Variants in VAV2 observed in about 807,000 individuals in gnomAD.
VAV2 encodes the protein vav guanine nucleotide exchange factor 2, also known as guanine nucleotide exchange factor VAV2.
Under a neutral mutation model 132.5 loss-of-function variants are expected in VAV2, and 67 were observed. That is an observed-to-expected ratio of 0.51 (90% CI 0.42 to 0.62). The LOEUF (loss-of-function observed/expected upper bound fraction) is 0.62. VAV2 is among the 20% of genes least tolerant of loss of function. VAV2 has a pLI of 0.00. For synonymous variants in VAV2, 492 were observed against 443.5 expected, an observed-to-expected ratio of 1.11 and a Z score of -1.37; for missense variants, 938 against 1,153.6, an observed-to-expected ratio of 0.81 and a Z score of 2.71.
At chr9:133,783,817 G>C (rs140023336) in intron 18 of VAV2, among the ~76,000 whole-genome samples, 4 of 151,140 alleles carry the variant, frequency 2.6e-5, no homozygotes, top group Non-Finnish European at 5.9e-5. Context: ...ACAGCATCCC[G>C]GGCACCCAGG....
intron 3 of VAV2, among the ~76,000 whole-genome samples, chr9:133,848,615 C>T (rs1588264403): frequency 6.6e-6 from 1 of 152,264 alleles, no homozygotes; most frequent in South Asian, 2.1e-4. Flanking sequence ...CTTGTCGAAA[C>T]GCCGCTAAGC....
At chr9:133,839,407 C>T (rs916829761) in intron 3 of VAV2, among the ~76,000 whole-genome samples, 4 of 151,026 alleles carry the variant, frequency 2.6e-5, no homozygotes, top group Non-Finnish European at 4.4e-5. Context: ...TCTCAGGCTG[C>T]TCTTAATCCC....
chr9:133,930,092 C>T (rs1337642114), intron 2 of VAV2, among the ~76,000 whole-genome samples: 1 of 152,234 alleles, frequency 6.6e-6, no homozygotes, highest in Non-Finnish European at 1.5e-5. Flanking sequence ...CTGACGCCGT[C>T]AGCACCGACA....
chr9:133,767,394 G>A (rs769252063), intron 29 of VAV2, among the ~76,000 whole-genome samples: 11 of 152,120 alleles, frequency 7.2e-5, no homozygotes, highest in Non-Finnish European at 1.3e-4. Flanking sequence ...ATGGTAACAG[G>A]GTCAAATTGA....
intron 2 of VAV2, among the ~76,000 whole-genome samples, chr9:133,867,043 C>T (rs12353234): frequency 0.018 from 2,778 of 152,252 alleles, 67 homozygotes; most frequent in African/African-American, 0.06. Context: ...ACAGAGGTCT[C>T]GTCACAAGGC....
chr9:133,813,718 G>C (rs892343779), intron 4 of VAV2, among the ~76,000 whole-genome samples: 1 of 152,252 alleles, frequency 6.6e-6, no homozygotes, highest in African/African-American at 2.4e-5. Flanking sequence ...CTACAGTCGT[G>C]AGTGAGGTGG....
intron 3 of VAV2, 37 bp downstream of exon 3, chr9:133,861,337 A>G (rs764666840): frequency 1.0e-5 from 16 of 1,587,598 alleles, no homozygotes; most frequent in Non-Finnish European, 1.4e-5. Flanking sequence ...TGGAGATGAA[A>G]GGACCCGGCC....
intron 16 of VAV2, 178 bp from the exon 17 acceptor site, chr9:133,786,063 G>C (rs2023664): frequency 1.5e-6 from 1 of 670,914 alleles, no homozygotes; most frequent in African/African-American, 1.8e-5. Flanking sequence ...TGCCCATGCT[G>C]TACGTGCACA....
chr9:133,869,992 G>A (rs1837963477), intron 2 of VAV2, among the ~76,000 whole-genome samples: 1 of 152,192 alleles, frequency 6.6e-6, no homozygotes, highest in Non-Finnish European at 1.5e-5. Flanking sequence ...AACTCAGCCT[G>A]TGTTATCCTT....
chr9:133,800,358 C>T (rs1226555187), intron 9 of VAV2, among the ~76,000 whole-genome samples: 2 of 152,232 alleles, frequency 1.3e-5, no homozygotes, highest in African/African-American at 2.4e-5. Flanking sequence ...TCAGAGCTTC[C>T]CAAGACCGCC....
rs1003743278 is a variant in VAV2 at position 133,833,723 on chromosome 9, G to A, written c.449+549C>T. ...TGTGGCCAGGCTTGGGCAGCGCCTG[G>A]GTGGAGCAGAGGCCTCTCAGAGAGA... On this transcript the variant is annotated intron_variant, in intron 4 of 29. Coordinates refer to ENST00000371850, the MANE Select transcript of VAV2 (RefSeq NM_001134398.2). This position sits in a 1 kb window ranked among gnomAD's most constrained non-coding sequence, Gnocchi z 5.6. 7.2e-5 allele frequency among the ~76,000 whole-genome samples: 11 copies of A among 152,296 alleles called. No individual in the cohort carries two copies. In the East Asian group the frequency reaches 2.1e-3, roughly 30 times the overall value.
At chr9:133,917,879 G>A (rs541795573) in intron 2 of VAV2, among the ~76,000 whole-genome samples, 34 of 152,220 alleles carry the variant, frequency 2.2e-4, no homozygotes, top group Non-Finnish European at 3.7e-4. Flanking sequence ...GAGAACTGAC[G>A]CAGCCTCCTG....
rs1373803356 is a variant in VAV2 at position 133,977,943 on chromosome 9, G to A, written c.204+14132C>T. 3.8e-5 allele frequency among the ~76,000 whole-genome samples: 4 copies of A among 103,912 alleles called. 1 individual carries two copies. The South Asian group carries it at 7.6e-4, about 20-fold the overall frequency. The allele number at this position is 103,912 out of a possible 152,430, so 68.2% of individuals were successfully genotyped here. On this transcript the variant is annotated intron_variant, in intron 1 of 29. Coordinates refer to ENST00000371850, the MANE Select transcript of VAV2 (RefSeq NM_001134398.2). ...CTGCCCTGGGGCACGCAGCTCCCAC[G>A]CCCCCTGCCTCTGGAGATGTCCTAC...
intron 3 of VAV2, among the ~76,000 whole-genome samples, chr9:133,852,242 G>A (rs538181843): frequency 4.0e-5 from 6 of 151,854 alleles, no homozygotes; most frequent in Non-Finnish European, 5.9e-5. Context: ...TGGTGGGTGC[G>A]TGGATGGGTT....
intron 1 of VAV2, among the ~76,000 whole-genome samples, chr9:133,948,002 GCTCGTCTCAAACT>G (rs1404914443): frequency 1.3e-5 from 2 of 152,070 alleles, no homozygotes; most frequent in Non-Finnish European, 2.9e-5. Flanking sequence ...CGTTGGCCAG[GCTCGTCTCAAACT>G]CCTGGCCTCA....
intron 26 of VAV2, among the ~76,000 whole-genome samples, chr9:133,771,364 C>T (rs1272897558): frequency 1.3e-5 from 2 of 152,202 alleles, no homozygotes; most frequent in Non-Finnish European, 2.9e-5. Context: ...ACGCTCAGCC[C>T]GAGATTATGG....
chr9:133,777,373 G>C lies in VAV2; in HGVS notation c.1965+16C>G, dbSNP rs749333300. 6.2e-7 allele frequency: 1 copy of C among 1,613,286 alleles called. No individual in the cohort carries two copies. Among genetic ancestry groups the C allele is most frequent in the African/African-American group, 1.3e-5 (1 of 74,924 alleles). On this transcript the variant is annotated intron_variant, in intron 23 of 29. Coordinates refer to ENST00000371850, the MANE Select transcript of VAV2 (RefSeq NM_001134398.2). ...AGGCCACCGTGCTCCAGAAGCTTCT[G>C]TGGGAAAGGACTCACCCTTCCATCC... is the stretch of plus-strand genomic sequence containing the variant.
chr9:133,902,129 C>T (rs1839469438), intron 2 of VAV2, among the ~76,000 whole-genome samples: 1 of 151,810 alleles, frequency 6.6e-6, no homozygotes, highest in Non-Finnish European at 1.5e-5. Flanking sequence ...CCAGGAAGAC[C>T]CAATTTAAGG....
chr9:133,970,446 T>C (rs1842291915), intron 1 of VAV2, among the ~76,000 whole-genome samples: 1 of 152,102 alleles, frequency 6.6e-6, no homozygotes, highest in Non-Finnish European at 1.5e-5. Flanking sequence ...TCACCAGACC[T>C]CACCTGACCA....
Sources: allele counts gnomAD v4.1 joint callset (sites outside exome capture counted in the v4.1 genomes callset), GRCh38; gene constraint gnomAD v4.1.1; non-coding constraint Gnocchi (gnomAD v3.1); transcripts MANE v1.5; gene names NCBI Gene and HGNC (gene_info 2026-07-23, HGNC 2026-07-21).